The following TRAM2 variants were observed in gnomAD, a reference collection of about 807,000 sequenced individuals.
TRAM2 encodes the protein translocating chain-associated membrane protein 2.
Under a neutral mutation model 51.0 loss-of-function variants are expected in TRAM2, and 12 were observed. The observed-to-expected ratio is 0.24, with a 90% CI of 0.15 to 0.38. TRAM2 has a LOEUF of 0.38. TRAM2 is among the 10% of genes least tolerant of loss of function. TRAM2 has a pLI of 1.00. For missense variants in TRAM2, 361 were observed against 462.0 expected, an observed-to-expected ratio of 0.78 and a Z score of 2.00; for synonymous variants, 175 against 179.4, an observed-to-expected ratio of 0.98 and a Z score of 0.20.
chr6:52,513,894 A>G (rs189268158), intron 4 of TRAM2, among the ~76,000 whole-genome samples: 71 of 152,322 alleles, frequency 4.7e-4, no homozygotes, highest in African/African-American at 1.6e-3. Context: ...TAGAAAAAAG[A>G]TATTTAGTGT....
intron 2 of TRAM2, chr6:52,530,011 C>T (rs925650763): frequency 3.9e-5 from 6 of 152,116 alleles, no homozygotes; most frequent in South Asian, 4.1e-4. Flanking sequence ...CAGAACCGAG[C>T]AGGGTGGATG....
intron 2 of TRAM2, 54 bp from the exon 3 acceptor site, chr6:52,516,791 G>A: frequency 7.0e-7 from 1 of 1,428,882 alleles, no homozygotes; most frequent in Non-Finnish European, 9.9e-7. Flanking sequence ...AAATACTCTG[G>A]GACCCAAAAC....
In TRAM2 at chr6:52,503,035, G is replaced by T; in HGVS notation, c.*162C>A. The T allele has an allele frequency of 1.5e-6, 1 of 673,274 alleles. No homozygotes were observed. The highest frequency in any genetic ancestry group is 2.5e-5 in the East Asian group (1 of 40,202). 41.7% of individuals were successfully genotyped at this position (673,274 alleles called of 1,614,324 possible). On this transcript the variant is annotated 3_prime_UTR_variant, in exon 11 of 11. Coordinates refer to ENST00000182527, the MANE Select transcript of TRAM2 (RefSeq NM_012288.4). ...TTGTGGAAGAATAAGAGGAAGCCAA[G>T]AAGAAGGAAAGCGAAACGCCCCCTC...
At chr6:52,512,744 C>T (rs1766472728) in intron 4 of TRAM2, among the ~76,000 whole-genome samples, 1 of 152,254 alleles carries the variant, frequency 6.6e-6, no homozygotes, top group African/African-American at 2.4e-5. Context: ...TGTGAACAAA[C>T]ACAACCACGA....
chr6:52,526,527 C>T (rs186901913), intron 2 of TRAM2, among the ~76,000 whole-genome samples: 1 of 152,254 alleles, frequency 6.6e-6, no homozygotes, highest in East Asian at 1.9e-4. Flanking sequence ...GCTGGAATTA[C>T]AGGTGTGCCC....
intron 1 of TRAM2, among the ~76,000 whole-genome samples, chr6:52,554,251 G>A (rs1466561031): frequency 3.9e-5 from 6 of 152,174 alleles, no homozygotes; most frequent in African/African-American, 1.2e-4. Flanking sequence ...TGGGCCAGGC[G>A]CGGTGACTCC....
chr6:52,576,669 T>A, intron 1 of TRAM2, 127 bp downstream of exon 1: 1 of 1,279,794 alleles, frequency 7.8e-7, no homozygotes, highest in Non-Finnish European at 1.1e-6. Flanking sequence ...AAAGCCGGGG[T>A]GCAGATAACG....
intron 1 of TRAM2, among the ~76,000 whole-genome samples, chr6:52,545,942 A>C (rs1205979727): frequency 6.6e-6 from 1 of 152,096 alleles, no homozygotes; most frequent in Non-Finnish European, 1.5e-5. Flanking sequence ...GAATGGTACC[A>C]CCGCTCAAAT....
chr6:52,521,971 G>A (rs954883330), intron 2 of TRAM2, among the ~76,000 whole-genome samples: 2 of 152,008 alleles, frequency 1.3e-5, no homozygotes, highest in African/African-American at 2.4e-5. Flanking sequence ...TACAGGGACC[G>A]GGGGGAGCAC....
At chr6:52,576,622 G>C (rs1174170423) in intron 1 of TRAM2, among the ~76,000 whole-genome samples, 174 bp downstream of exon 1, 1 of 152,178 alleles carries the variant, frequency 6.6e-6, no homozygotes, top group African/African-American at 2.4e-5. Context: ...GTGCTGTCTG[G>C]GCTGGCCGGG....
At chr6:52,506,250 C>T (rs1766348174) in intron 7 of TRAM2, 114 bp from the exon 8 acceptor site, 10 of 886,956 alleles carry the variant, frequency 1.1e-5, no homozygotes, top group East Asian at 2.5e-5. Flanking sequence ...GCTTTCCACT[C>T]CCACTTTCCC....
Position 52,505,583 on chromosome 6 carries a change from C to A in TRAM2, c.875+16G>T, listed in dbSNP as rs751087526. 3 of 1,597,700 alleles carry A rather than the reference C, an allele frequency of 1.9e-6. No individual in the cohort carries two copies. Among genetic ancestry groups the A allele is most frequent in the Non-Finnish European group, 2.6e-6 (3 of 1,169,784 alleles). ...AGGCTCCCTGGCTTATCACCTTGGACTTCTGCTCGACTCACCTGCAAAACA... is the reference window on the plus strand; with the variant it reads ...AGGCTCCCTGGCTTATCACCTTGGAATTCTGCTCGACTCACCTGCAAAACA... On this transcript the variant is annotated intron_variant, in intron 9 of 10. Coordinates refer to ENST00000182527, the MANE Select transcript of TRAM2 (RefSeq NM_012288.4).
chr6:52,557,327 TAATA>T (rs1319062299), intron 1 of TRAM2, among the ~76,000 whole-genome samples: 1 of 152,216 alleles, frequency 6.6e-6, no homozygotes, highest in Non-Finnish European at 1.5e-5. Context: ...ATTAATTAAT[TAATA>T]TTCAGGTACT....
chr6:52,515,522 G>C (rs1766531800), intron 4 of TRAM2, among the ~76,000 whole-genome samples: 2 of 152,246 alleles, frequency 1.3e-5, no homozygotes, highest in South Asian at 4.1e-4. Context: ...GTAAAACAGA[G>C]AGTAAGCTGG....
intron 1 of TRAM2, among the ~76,000 whole-genome samples, chr6:52,565,872 T>C (rs1433174381): frequency 2.0e-5 from 3 of 152,154 alleles, no homozygotes; most frequent in African/African-American, 7.2e-5. Flanking sequence ...TGGAAAAGCC[T>C]CCACAAAGGA....
chr6:52,569,051 C>A (rs1260723504), intron 1 of TRAM2, among the ~76,000 whole-genome samples: 1 of 152,146 alleles, frequency 6.6e-6, no homozygotes, highest in Admixed American at 6.5e-5. Flanking sequence ...CTAACTCCAG[C>A]CAGGGTTTCA....
chr6:52,517,538 T>C (rs1288340496), intron 2 of TRAM2, among the ~76,000 whole-genome samples: 3 of 152,226 alleles, frequency 2.0e-5, no homozygotes, highest in Non-Finnish European at 2.9e-5. Flanking sequence ...ATCCCAGGTA[T>C]AGAAATCTTG....
At chr6:52,507,762 CCA>C in intron 6 of TRAM2, 139 bp from the exon 7 acceptor site, 4 of 717,484 alleles carry the variant, frequency 5.6e-6, no homozygotes, top group Non-Finnish European at 9.3e-6. Flanking sequence ...CCCACGAGTC[CCA>C]CAGTCCCACT....
At chr6:52,526,162 C>G (rs748538199) in intron 2 of TRAM2, among the ~76,000 whole-genome samples, 360 of 3,734 alleles carry the variant, frequency 0.096, 6 homozygotes, top group African/African-American at 0.25. Flanking sequence ...GACACACACA[C>G]ACACACACAC....
Sources: gnomAD v4.1 joint callset for allele counts (sites outside exome capture counted in the v4.1 genomes callset) on GRCh38, gnomAD v4.1.1 for gene constraint, MANE v1.5 for transcripts, NCBI Gene and HGNC (gene_info 2026-07-23, HGNC 2026-07-21) for gene names.